The following RAPGEF1 variants were observed in gnomAD, a reference collection of about 807,000 sequenced individuals.
RAPGEF1 encodes the protein Rap guanine nucleotide exchange factor 1.
In RAPGEF1, 33 loss-of-function variants were observed where a neutral mutation model predicts 143.3. The ratio of observed to expected loss-of-function variants is 0.23; its 90% CI spans 0.17 to 0.31. RAPGEF1 has a LOEUF of 0.31. Ranked by LOEUF, RAPGEF1 falls within the 10% of genes least tolerant of loss-of-function variation. The probability of loss-of-function intolerance (pLI) is 1.00; values close to 1 mark genes in which losing one functional copy is unlikely to be tolerated. For synonymous variants in RAPGEF1, 629 were observed against 676.5 expected (o/e 0.93, Z 1.09); for missense variants, 1,199 against 1,645.4 (o/e 0.73, Z 4.69).
At chr9:131,698,480 GC>G (rs1295259158) in intron 1 of RAPGEF1, among the ~76,000 whole-genome samples, 63 of 152,352 alleles carry the variant, frequency 4.1e-4, no homozygotes, top group Middle Eastern at 3.4e-3. Flanking sequence ...AAAGCAACAT[GC>G]TTAGCTCACA....
chr9:131,606,316 G>A (rs567567201), intron 12 of RAPGEF1, among the ~76,000 whole-genome samples: 3 of 152,192 alleles, frequency 2.0e-5, no homozygotes, highest in Non-Finnish European at 4.4e-5. Context: ...TGATGTCATC[G>A]TGTCCTACAA....
At chr9:131,627,834 TG>T in intron 9 of RAPGEF1, 78 bp downstream of exon 9, 1 of 1,446,014 alleles carries the variant, frequency 6.9e-7, no homozygotes, top group Non-Finnish European at 9.3e-7. Flanking sequence ...TTGCATGACC[TG>T]GGACTCCCAC....
intron 1 of RAPGEF1, among the ~76,000 whole-genome samples, chr9:131,668,314 T>C (rs1830766953): frequency 6.6e-6 from 1 of 152,238 alleles, no homozygotes. Context: ...CGGCTGTTTT[T>C]AAACTTCCTC....
chr9:131,690,222 A>G (rs917287687), intron 1 of RAPGEF1, among the ~76,000 whole-genome samples: 4 of 152,256 alleles, frequency 2.6e-5, no homozygotes, highest in African/African-American at 9.6e-5. Context: ...TGAGGGAAAT[A>G]AGATACTTTC....
chr9:131,628,435 T>C lies in RAPGEF1; in HGVS notation c.1017+114A>G, dbSNP rs1156423909. 11 of 1,391,226 alleles carry C rather than the reference T, an allele frequency of 7.9e-6. No individual in the cohort carries two copies. The highest frequency in any genetic ancestry group is 6.6e-5 in the Admixed American group (3 of 45,652). 86.2% of individuals were successfully genotyped at this position (1,391,226 alleles called of 1,614,324 possible). On this transcript the variant is annotated intron_variant, in intron 8 of 26. Transcript: ENST00000683357. The surrounding 1 kb of genome is among the most constrained non-coding windows in gnomAD (Gnocchi z 5.7). ...GGGTACAAGGTCTCGCACTCCTCGA[T>C]GTGACAAACACCAGCGCCTGAAGAC...
intron 1 of RAPGEF1, among the ~76,000 whole-genome samples, chr9:131,659,518 CTG>C (rs1973423123): frequency 6.6e-6 from 1 of 152,068 alleles, no homozygotes. Flanking sequence ...CACGCCAGGC[CTG>C]TGTGTCTTTG....
intron 15 of RAPGEF1, among the ~76,000 whole-genome samples, chr9:131,600,825 G>A (rs1956144539): frequency 6.6e-6 from 1 of 152,062 alleles, no homozygotes; most frequent in South Asian, 2.1e-4. Flanking sequence ...AATCTACTAC[G>A]TATTTCTACA....
intron 5 of RAPGEF1, among the ~76,000 whole-genome samples, chr9:131,633,392 C>T (rs1965483597): frequency 6.6e-6 from 1 of 152,150 alleles, no homozygotes. Context: ...TTAAAGAGCG[C>T]CAGAACACAG....
intron 1 of RAPGEF1, among the ~76,000 whole-genome samples, chr9:131,704,016 T>C (rs985532647): frequency 2.6e-5 from 4 of 152,150 alleles, no homozygotes; most frequent in African/African-American, 9.7e-5. Context: ...AAATGCTCAC[T>C]GTATGCTAAG....
In RAPGEF1 at chr9:131,626,309, C is replaced by G. The variant is rs938128133; in HGVS notation, c.1315G>C (p.Gly439Arg). 1.2e-6 allele frequency: 2 copies of G among 1,613,910 alleles called. No homozygotes were observed. Among genetic ancestry groups the G allele is most frequent in the Non-Finnish European group, 1.7e-6 (2 of 1,179,910 alleles). The change falls in exon 10 of 27, where the codon GGG becomes CGG. Residue 439 changes from glycine to arginine, a missense_variant. This residue lies in a region of RAPGEF1 where 613 missense variants were observed against 710.9 expected (regional missense o/e 0.86). Transcript: ENST00000683357. ...AAAGGAGGGCCAAGAAATGGAGACCCAGACTCCCCCAAAGACTCTGGCAAC... is the reference window on the plus strand; with the variant it reads ...AAAGGAGGGCCAAGAAATGGAGACCGAGACTCCCCCAAAGACTCTGGCAAC... ...SPLPESLGES[G>R]SPFLGPPFQL...
At chr9:131,711,052 C>CTT (rs1197255514) in intron 1 of RAPGEF1, among the ~76,000 whole-genome samples, 7 of 143,738 alleles carry the variant, frequency 4.9e-5, no homozygotes, top group Non-Finnish European at 4.6e-5. Context: ...GAATATTTAA[C>CTT]TTTTTTTTTT....
chr9:131,582,896 C>T (rs1479284205), intron 24 of RAPGEF1, among the ~76,000 whole-genome samples, 194 bp from the exon 25 acceptor site: 3 of 152,230 alleles, frequency 2.0e-5, no homozygotes, highest in African/African-American at 4.8e-5. Flanking sequence ...TCCTTTTCAA[C>T]GAGTGTCAGC....
chr9:131,660,860 C>T (rs1973869609), intron 1 of RAPGEF1, among the ~76,000 whole-genome samples: 1 of 152,214 alleles, frequency 6.6e-6, no homozygotes, highest in Non-Finnish European at 1.5e-5. Context: ...CAGAACCACC[C>T]TTTTCATTTT....
At position 131,579,363 on chromosome 9, in the gene RAPGEF1, C is replaced by T. The variant is rs528252435; in HGVS notation, c.*134G>A. ...GCAGGCTCCAGCTCCCGCCCGGCCC[C>T]GCTGAGGGCTGGCCAGCCTCATGGC... is the stretch of plus-strand genomic sequence containing the variant. On this transcript the variant is annotated 3_prime_UTR_variant, in exon 27 of 27. Transcript: ENST00000683357. The T allele has an allele frequency of 1.1e-4, 142 of 1,296,422 alleles. No individual in the cohort carries two copies. The African/African-American group carries it at 1.6e-3, about 15-fold the overall frequency. 80.3% of individuals were successfully genotyped at this position (1,296,422 alleles called of 1,614,324 possible). A position where few individuals can be genotyped will look rare whatever the true frequency, so the allele number is the denominator to read the frequency against.
At chr9:131,737,347 A>T in intron 1 of RAPGEF1, 1 of 1,613,196 alleles carries the variant, frequency 6.2e-7, no homozygotes, top group Non-Finnish European at 8.5e-7. Context: ...AGCCTAGCAC[A>T]AACACTGTCC....
intron 15 of RAPGEF1, chr9:131,598,593 C>T (rs939981086): frequency 1.8e-6 from 1 of 545,312 alleles, no homozygotes; most frequent in African/African-American, 1.9e-5. Context: ...TGGTCTCAGC[C>T]ACTCCCTGCC....
chr9:131,700,808 CGCTGA>C (rs756018458), intron 1 of RAPGEF1, among the ~76,000 whole-genome samples: 59 of 152,160 alleles, frequency 3.9e-4, no homozygotes, highest in Non-Finnish European at 6.6e-4. Flanking sequence ...CCAGAAGGCT[CGCTGA>C]GCAACCCCAG....
intron 6 of RAPGEF1, among the ~76,000 whole-genome samples, chr9:131,629,513 G>A (rs1385587317): frequency 3.9e-5 from 6 of 152,104 alleles, no homozygotes; most frequent in East Asian, 1.9e-4. Flanking sequence ...GCTCCAGGCC[G>A]GGCGCAGTGG....
intron 1 of RAPGEF1, among the ~76,000 whole-genome samples, chr9:131,668,878 G>A (rs765574112): frequency 4.6e-5 from 7 of 152,264 alleles, no homozygotes; most frequent in Non-Finnish European, 1.0e-4. Flanking sequence ...CCCGGCCTTT[G>A]TCTTTTAGGT....
Sources: allele counts gnomAD v4.1 joint callset (sites outside exome capture counted in the v4.1 genomes callset), GRCh38; gene constraint gnomAD v4.1.1; regional missense constraint gnomAD v4.1.1; non-coding constraint Gnocchi (gnomAD v3.1); transcripts MANE v1.5; gene names NCBI Gene and HGNC (gene_info 2026-07-23, HGNC 2026-07-21).